BBS9: variants seen among roughly 807,000 people sequenced by gnomAD.
BBS9 encodes protein PTHB1.
BBS9 carries 89 observed loss-of-function variants against 117.7 expected under a neutral mutation model. The observed-to-expected ratio is 0.76, with a 90% CI of 0.64 to 0.90. The LOEUF is 0.90. Among genes scored for constraint, BBS9 ranks in the 40% least tolerant of loss-of-function variants. The pLI is 0.00. For missense variants in BBS9, 982 were observed against 1,042.2 expected, an observed-to-expected ratio of 0.94 and a Z score of 0.80; for synonymous variants, 379 against 370.9, an observed-to-expected ratio of 1.02 and a Z score of -0.25.
At chr7:33,276,619 A>G (rs1446134422) in intron 9 of BBS9, among the ~76,000 whole-genome samples, 3 of 152,222 alleles carry the variant, frequency 2.0e-5, no homozygotes. Flanking sequence ...AAGCTAGTGA[A>G]CACCAATATC....
intron 21 of BBS9, among the ~76,000 whole-genome samples, chr7:33,557,900 T>C (rs1054084914): frequency 6.6e-6 from 1 of 152,206 alleles, no homozygotes; most frequent in Non-Finnish European, 1.5e-5. Flanking sequence ...AGTGAGAGTC[T>C]ATGTTGTAAT....
At chr7:33,190,410 A>G (rs893479762) in intron 5 of BBS9, among the ~76,000 whole-genome samples, 2 of 152,238 alleles carry the variant, frequency 1.3e-5, no homozygotes, top group African/African-American at 4.8e-5. Context: ...TGCAGAGGCC[A>G]TAATTCTGCT....
intron 5 of BBS9, among the ~76,000 whole-genome samples, chr7:33,254,675 G>C (rs528866620): frequency 1.3e-5 from 2 of 152,058 alleles, no homozygotes; most frequent in South Asian, 4.1e-4. Flanking sequence ...CCCCATCCCT[G>C]ACCCCTGGTA....
At chr7:33,571,996 A>G (rs192039676) in intron 21 of BBS9, among the ~76,000 whole-genome samples, 46 of 152,040 alleles carry the variant, frequency 3.0e-4, no homozygotes, top group Non-Finnish European at 4.6e-4. Flanking sequence ...ATTGTTAGCT[A>G]TAGTCTTTTT....
chr7:33,343,687 C>T (rs780770292), intron 11 of BBS9, among the ~76,000 whole-genome samples: 5 of 151,926 alleles, frequency 3.3e-5, no homozygotes, highest in African/African-American at 4.8e-5. Flanking sequence ...TTAGTAGAGA[C>T]GGGGTTTCAT....
At chr7:33,150,690 C>A (rs1793167864) in intron 2 of BBS9, among the ~76,000 whole-genome samples, 1 of 152,154 alleles carries the variant, frequency 6.6e-6, no homozygotes, top group Non-Finnish European at 1.5e-5. Flanking sequence ...ACACCACAAC[C>A]CCCAGACCCA....
At chr7:33,165,878 C>T (rs1007767490) in intron 4 of BBS9, among the ~76,000 whole-genome samples, 3 of 152,132 alleles carry the variant, frequency 2.0e-5, no homozygotes, top group Non-Finnish European at 4.4e-5. Flanking sequence ...TGTTCCGTTG[C>T]TGGCAAGGAG....
At chr7:33,269,878 C>T (rs1799479902) in intron 7 of BBS9, among the ~76,000 whole-genome samples, 1 of 151,954 alleles carries the variant, frequency 6.6e-6, no homozygotes, top group Non-Finnish European at 1.5e-5. Flanking sequence ...CAAAAGTTAG[C>T]TGGGTGTGGT....
At chr7:33,533,186 CCTG>C (rs1476674899) in intron 20 of BBS9, among the ~76,000 whole-genome samples, 8 of 152,180 alleles carry the variant, frequency 5.3e-5, no homozygotes, top group Admixed American at 2.6e-4. Flanking sequence ...CCATGCCAGT[CCTG>C]CTGGTGCCAG....
chr7:33,430,715 A>C (rs1239929561), intron 19 of BBS9, among the ~76,000 whole-genome samples: 1 of 152,202 alleles, frequency 6.6e-6, no homozygotes, highest in Non-Finnish European at 1.5e-5. Flanking sequence ...TTTCTTACCC[A>C]CCAGTGGCCA....
At chr7:33,404,795 G>A (rs979405256) in intron 19 of BBS9, among the ~76,000 whole-genome samples, 5 of 152,056 alleles carry the variant, frequency 3.3e-5, no homozygotes, top group African/African-American at 1.2e-4. Context: ...TGCAAACAGG[G>A]ACAATTTGAC....
Position 33,542,699 on chromosome 7 carries a change from ATGTG to A in BBS9, c.2521+8553_2521+8556del, listed in dbSNP as rs200416682. ...GCCTGCGTAGTATTCCATTATATAT[ATGTG>A]TGTGTGTGTGTGTGTGTGTGTGTGT... is the stretch of plus-strand genomic sequence containing the variant. On this transcript the variant is annotated intron_variant, in intron 21 of 22. Transcript: ENST00000242067. 8.5e-3 allele frequency among the ~76,000 whole-genome samples: 1,244 copies of A among 145,938 alleles called. 21 individuals carry two copies. The highest frequency in any genetic ancestry group is 0.013 in the African/African-American group (510 of 39,570).
intron 16 of BBS9, among the ~76,000 whole-genome samples, chr7:33,362,819 T>C (rs995059202): frequency 2.6e-5 from 4 of 152,174 alleles, no homozygotes; most frequent in African/African-American, 9.7e-5. Context: ...TTGATTGGGA[T>C]TGTGATTGTA....
At chr7:33,424,674 A>G (rs995317027) in intron 19 of BBS9, among the ~76,000 whole-genome samples, 5 of 152,208 alleles carry the variant, frequency 3.3e-5, no homozygotes, top group Admixed American at 1.3e-4. Context: ...AGAATTTTGT[A>G]GGAAATTTTA....
At chr7:33,232,324 A>C (rs890236512) in intron 5 of BBS9, among the ~76,000 whole-genome samples, 3 of 152,176 alleles carry the variant, frequency 2.0e-5, no homozygotes, top group African/African-American at 7.2e-5. Flanking sequence ...GGAAAAATGC[A>C]GAAACTTATT....
chr7:33,151,346 CT>C (rs201906469), intron 2 of BBS9, among the ~76,000 whole-genome samples: 1 of 150,772 alleles, frequency 6.6e-6, no homozygotes, highest in Non-Finnish European at 1.5e-5. Context: ...TATCAGTTAT[CT>C]TTTTTTTTGG....
chr7:33,386,554 G>A (rs969340475), intron 18 of BBS9, among the ~76,000 whole-genome samples: 1 of 151,638 alleles, frequency 6.6e-6, no homozygotes, highest in African/African-American at 2.4e-5. Flanking sequence ...GCAGTGGCAC[G>A]ATCTCGGCTC....
At chr7:33,487,771 T>G (rs1046414571) in intron 19 of BBS9, among the ~76,000 whole-genome samples, 2 of 152,168 alleles carry the variant, frequency 1.3e-5, no homozygotes, top group African/African-American at 4.8e-5. Context: ...TGAACTGTGT[T>G]GTTCTCAGCC....
At chr7:33,357,710 TAC>T in intron 15 of BBS9, 143 bp from the exon 16 acceptor site, 2 of 804,648 alleles carry the variant, frequency 2.5e-6, no homozygotes, top group East Asian at 2.5e-5. Context: ...GATAATAATT[TAC>T]AGTTATTTCA....
Sources: allele counts gnomAD v4.1 joint callset (sites outside exome capture counted in the v4.1 genomes callset), GRCh38; gene constraint gnomAD v4.1.1; transcripts MANE v1.5; gene names NCBI Gene and HGNC (gene_info 2026-07-23, HGNC 2026-07-21).